SERPINE2: variants seen among roughly 807,000 people sequenced by gnomAD.
SERPINE2 encodes glia-derived nexin.
SERPINE2 carries 14 observed loss-of-function variants against 36.3 expected under a neutral mutation model. The observed-to-expected ratio is 0.39, with a 90% confidence interval of 0.25 to 0.60. The LOEUF (loss-of-function observed/expected upper bound fraction) is 0.60, where lower values mean the gene tolerates loss of function less well. Among genes scored for constraint, SERPINE2 ranks in the 20% least tolerant of loss-of-function variants. The probability of loss-of-function intolerance (pLI) is 0.57; values close to 1 mark genes in which losing one functional copy is unlikely to be tolerated. For synonymous variants in SERPINE2, 192 were observed against 191.8 expected (o/e 1.00, Z -0.01); for missense variants, 418 against 499.6 (o/e 0.84, Z 1.56).
chr2:223,988,524 C>CAG (rs1559198390), intron 4 of SERPINE2, among the ~76,000 whole-genome samples: 2 of 151,972 alleles, frequency 1.3e-5, no homozygotes, highest in Admixed American at 6.6e-5. Context: ...CAAGTTAAGA[C>CAG]GTAATGTGAA....
intron 1 of SERPINE2, 55 bp from the exon 2 acceptor site, chr2:224,001,977 C>CT (rs10706128): frequency 0.046 from 52,732 of 1,155,120 alleles, no homozygotes; most frequent in Non-Finnish European, 0.051. Context: ...TACTTTACTA[C>CT]TTTTTTTTTT....
chr2:223,984,787 G>C lies in SERPINE2; in HGVS notation c.849C>G (p.Ile283Met), dbSNP rs374156672. ...TCACCTGCACCCTCTTGGGCACCAT[G>C]ATGCTCATCCAGCTGTCTATGGTCT... ...STKTIDSWMS[I>M]MVPKRVQVIL... is the part of the protein sequence containing the mutation. The change falls in exon 5 of 9, where the codon ATC becomes ATG. Residue 283 changes from isoleucine (I) to methionine (M), a missense_variant. By Grantham distance (10) the Ile-to-Met change is conservative (BLOSUM62 1). Transcript: ENST00000409304. 6 of 1,613,330 alleles carry C rather than the reference G, an allele frequency of 3.7e-6. No individual in the cohort carries two copies. In the East Asian group the frequency reaches 6.7e-5, roughly 18 times the overall value.
At chr2:223,982,375 C>T (rs187863314) in intron 6 of SERPINE2, 13 of 235,056 alleles carry the variant, frequency 5.5e-5, no homozygotes, top group African/African-American at 1.2e-4. Context: ...TTGAGTACAA[C>T]GTATACTACT....
intron 1 of SERPINE2, among the ~76,000 whole-genome samples, chr2:224,028,066 C>T (rs1692243432): frequency 6.6e-6 from 1 of 152,140 alleles, no homozygotes; most frequent in Non-Finnish European, 1.5e-5. Flanking sequence ...GTTGTAAGAG[C>T]CACCAAGTTA....
chr2:223,981,632 CCACT>C (rs1288354806), intron 6 of SERPINE2: 6 of 152,180 alleles, frequency 3.9e-5, no homozygotes, highest in African/African-American at 1.4e-4. Context: ...TAATTTCTTA[CCACT>C]CAAAGTTATT....
At chr2:223,983,693 TGCACACACAC>T (rs1475855347) in intron 5 of SERPINE2, among the ~76,000 whole-genome samples, 10 of 146,700 alleles carry the variant, frequency 6.8e-5, no homozygotes, top group African/African-American at 1.3e-4. Context: ...TGGAGATATA[TGCACACACAC>T]ACACACACAC....
intron 7 of SERPINE2, chr2:223,979,084 C>CTGTTG (rs1690122749): frequency 6.6e-6 from 1 of 152,144 alleles, no homozygotes; most frequent in Admixed American, 6.5e-5. Context: ...AGTGTGAGTT[C>CTGTTG]TGTTGTTTAA....
chr2:224,038,534 T>C, intron 1 of SERPINE2: 1 of 1,550,886 alleles, frequency 6.4e-7, no homozygotes. Context: ...CTACAGATGA[T>C]GAAAATAGCA....
At chr2:223,991,752 C>T in intron 4 of SERPINE2, 51 bp downstream of exon 4, 1 of 1,589,530 alleles carries the variant, frequency 6.3e-7, no homozygotes, top group East Asian at 2.2e-5. Context: ...ACTCAAGGGC[C>T]TTTCTGCCGC....
At chr2:224,010,587 G>A (rs1559212210) in intron 1 of SERPINE2, among the ~76,000 whole-genome samples, 1 of 152,050 alleles carries the variant, frequency 6.6e-6, no homozygotes, top group Non-Finnish European at 1.5e-5. Flanking sequence ...TAAGTTTCCG[G>A]GAAAATTCAC....
intron 1 of SERPINE2, among the ~76,000 whole-genome samples, chr2:224,020,133 C>T (rs1691946544): frequency 6.6e-6 from 1 of 152,156 alleles, no homozygotes; most frequent in Non-Finnish European, 1.5e-5. Flanking sequence ...ATCACTTAAC[C>T]ACATTTACAT....
At chr2:224,005,062 ATAT>A (rs1309340185) in intron 1 of SERPINE2, among the ~76,000 whole-genome samples, 1 of 12,234 alleles carries the variant, frequency 8.2e-5, no homozygotes, top group African/African-American at 4.0e-4. Flanking sequence ...TATTTTATAT[ATAT>A]TATATATATA....
At chr2:223,985,123 A>G (rs1451219489) in intron 4 of SERPINE2, 173 bp from the exon 5 acceptor site, 1 of 611,528 alleles carries the variant, frequency 1.6e-6, no homozygotes, top group Non-Finnish European at 2.9e-6. Context: ...TTCCTTCCCC[A>G]GTGAAGAATT....
intron 1 of SERPINE2, among the ~76,000 whole-genome samples, chr2:224,011,941 C>G (rs1265807767): frequency 3.9e-5 from 6 of 152,206 alleles, no homozygotes; most frequent in African/African-American, 1.2e-4. Context: ...TAGTTTTTAT[C>G]TGCTTTGTTG....
At chr2:223,995,402 G>C (rs1052579890) in intron 3 of SERPINE2, among the ~76,000 whole-genome samples, 1 of 152,328 alleles carries the variant, frequency 6.6e-6, no homozygotes, top group Non-Finnish European at 1.5e-5. Flanking sequence ...GAATTTGGCA[G>C]GGATGTTTTT....
rs750443540 is a variant in SERPINE2, at chr2:223,980,372, A to T, written c.1011T>A (p.His337Gln). Residue 337 changes from histidine to glutamine, a missense_variant, in exon 7 of 9, where the codon CAT (histidine) becomes CAA (glutamine). His to Gln is a conservative substitution (Grantham distance 24). Transcript: ENST00000409304. The stretch of plus-strand genomic sequence containing the variant: ...CTTCAATTTTTGCTTTTTGCAAGAT[A>T]TGAGAAACATGGAGGTTTTCTGACC... ...ITRSENLHVS[H>Q]ILQKAKIEVS... 3.1e-6 allele frequency: 5 copies of T among 1,614,116 alleles called. No individual in the cohort carries two copies. The East Asian group carries it at 8.9e-5, about 29-fold the overall frequency.
rs780761280 is a variant in SERPINE2, at chr2:224,001,724, C to T, written c.177G>A (p.Ala59=). The T allele has an allele frequency of 1.4e-5, 22 of 1,614,062 alleles. No individual in the cohort carries two copies. Among genetic ancestry groups the T allele is most frequent in the African/African-American group, 5.3e-5 (4 of 74,932 alleles). Residue 59 remains alanine (A), a synonymous_variant, in exon 2 of 9, where the codon GCG becomes GCA. Coordinates refer to ENST00000409304, the MANE Select transcript of SERPINE2 (RefSeq NM_001136528.2). Reference sequence around the variant, plus strand: ...CCAGCTGAAGCATCCCCAGGACCGACGCAATCCCATGGGGAGAGATCACGA... The same window carrying T: ...CCAGCTGAAGCATCCCCAGGACCGATGCAATCCCATGGGGAGAGATCACGA... ...DNIVISPHGI[A]SVLGMLQLGA...
chr2:224,007,418 C>A (rs867586141), intron 1 of SERPINE2, among the ~76,000 whole-genome samples: 1 of 152,134 alleles, frequency 6.6e-6, no homozygotes, highest in South Asian at 2.1e-4. Flanking sequence ...TTAATACTCC[C>A]CCCCATACTC....
chr2:224,007,639 C>T (rs1430101374), intron 1 of SERPINE2, among the ~76,000 whole-genome samples: 2 of 152,180 alleles, frequency 1.3e-5, no homozygotes, highest in African/African-American at 2.4e-5. Flanking sequence ...AGTCCATGTT[C>T]GCATTTTTTA....
Sources: allele counts gnomAD v4.1 joint callset (sites outside exome capture counted in the v4.1 genomes callset), GRCh38; gene constraint gnomAD v4.1.1; transcripts MANE v1.5; gene names NCBI Gene and HGNC (gene_info 2026-07-23, HGNC 2026-07-21).